HPSE2: variants seen among roughly 807,000 people sequenced by gnomAD.
HPSE2 encodes inactive heparanase-2.
In HPSE2, 38 loss-of-function variants were observed where a neutral mutation model predicts 60.5. That is an observed-to-expected ratio of 0.63 (90% CI 0.48 to 0.82). The LOEUF (loss-of-function observed/expected upper bound fraction) is 0.82. Among genes scored for constraint, HPSE2 ranks in the 40% least tolerant of loss-of-function variants. HPSE2 has a pLI of 0.00. For missense variants in HPSE2, 713 were observed against 740.4 expected (o/e 0.96, Z 0.43); for synonymous variants, 295 against 293.2 (o/e 1.01, Z -0.06).
intron 3 of HPSE2, among the ~76,000 whole-genome samples, chr10:98,929,172 C>T (rs111894338): frequency 0.019 from 2,666 of 143,076 alleles, 601 homozygotes; most frequent in African/African-American, 0.072. Flanking sequence ...CTTGTAAGCA[C>T]AAATAGCAGG....
At chr10:98,678,400 C>T (rs1481893003) in intron 6 of HPSE2, among the ~76,000 whole-genome samples, 1 of 152,170 alleles carries the variant, frequency 6.6e-6, no homozygotes, top group Non-Finnish European at 1.5e-5. Flanking sequence ...ATCAGAATCA[C>T]CTGGAGGGTG....
chr10:98,908,344 T>C (rs1180130031), intron 3 of HPSE2, among the ~76,000 whole-genome samples: 1 of 152,164 alleles, frequency 6.6e-6, no homozygotes, highest in East Asian at 1.9e-4. Flanking sequence ...TATTTACTAA[T>C]ATAAAAATAT....
chr10:99,122,887 C>G (rs1299575012), intron 3 of HPSE2, among the ~76,000 whole-genome samples: 1 of 151,842 alleles, frequency 6.6e-6, no homozygotes, highest in East Asian at 1.9e-4. Context: ...TAAGCCTTAC[C>G]AGAAATCAAA....
intron 3 of HPSE2, among the ~76,000 whole-genome samples, chr10:99,064,385 T>C (rs1842545175): frequency 6.6e-6 from 1 of 152,140 alleles, no homozygotes; most frequent in African/African-American, 2.4e-5. Flanking sequence ...GTAATATTGG[T>C]TAGGATTCTA....
At chr10:99,129,569 T>C (rs1428292091) in intron 3 of HPSE2, among the ~76,000 whole-genome samples, 3 of 152,002 alleles carry the variant, frequency 2.0e-5, no homozygotes, top group African/African-American at 7.2e-5. Flanking sequence ...GGAAATTTTT[T>C]TAATTCTTTG....
intron 3 of HPSE2, among the ~76,000 whole-genome samples, chr10:98,884,958 G>A (rs1264325263): frequency 6.6e-6 from 1 of 152,162 alleles, no homozygotes; most frequent in East Asian, 1.9e-4. Context: ...CATTTTGTAA[G>A]GCCAGAACTG....
intron 3 of HPSE2, among the ~76,000 whole-genome samples, chr10:99,001,573 A>G (rs1214103837): frequency 6.6e-6 from 1 of 152,092 alleles, no homozygotes; most frequent in East Asian, 1.9e-4. Flanking sequence ...AATAGATTTT[A>G]CCTTTAAATT....
At chr10:99,085,007 G>A (rs149001743) in intron 3 of HPSE2, among the ~76,000 whole-genome samples, 25 of 152,148 alleles carry the variant, frequency 1.6e-4, no homozygotes, top group East Asian at 1.2e-3. Flanking sequence ...AGCACTTCTC[G>A]TTCTCTTCAC....
chr10:98,743,058 C>T (rs1589748626), intron 4 of HPSE2, among the ~76,000 whole-genome samples: 3 of 145,844 alleles, frequency 2.1e-5, no homozygotes, highest in Admixed American at 7.1e-5. Context: ...CTGCAACCTT[C>T]GCCTCCTGGG....
At chr10:98,756,111 AAATT>A (rs1310805104) in intron 3 of HPSE2, among the ~76,000 whole-genome samples, 19 of 152,216 alleles carry the variant, frequency 1.2e-4, no homozygotes, top group Non-Finnish European at 1.2e-4. Context: ...AGAAATCAAG[AAATT>A]CTTTAAGACG....
intron 9 of HPSE2, among the ~76,000 whole-genome samples, chr10:98,503,338 G>A (rs1385863715): frequency 6.6e-6 from 1 of 152,098 alleles, no homozygotes; most frequent in East Asian, 1.9e-4. Context: ...CTACAAGAAT[G>A]GCTGTAATCA....
intron 9 of HPSE2, among the ~76,000 whole-genome samples, chr10:98,582,266 A>G (rs1944820967): frequency 6.6e-6 from 1 of 152,236 alleles, no homozygotes; most frequent in African/African-American, 2.4e-5. Context: ...GTTTTGGTTT[A>G]CACTAAAATG....
At chr10:99,103,571 T>G (rs561501554) in intron 3 of HPSE2, among the ~76,000 whole-genome samples, 2 of 152,194 alleles carry the variant, frequency 1.3e-5, no homozygotes, top group East Asian at 3.9e-4. Flanking sequence ...AGGTCATTTA[T>G]AGATTCAATG....
chr10:99,148,913 G>A (rs546864529), intron 2 of HPSE2, among the ~76,000 whole-genome samples: 3 of 152,064 alleles, frequency 2.0e-5, no homozygotes, highest in African/African-American at 7.2e-5. Flanking sequence ...ATACACTGTT[G>A]GAACAGTGTA....
chr10:98,625,547 T>C (rs1946184340), intron 7 of HPSE2, among the ~76,000 whole-genome samples: 1 of 152,202 alleles, frequency 6.6e-6, no homozygotes, highest in African/African-American at 2.4e-5. Context: ...CAATCATGTA[T>C]TTCCACATTT....
chr10:98,637,877 A>T (rs1408318592), intron 7 of HPSE2, among the ~76,000 whole-genome samples: 1 of 152,086 alleles, frequency 6.6e-6, no homozygotes, highest in African/African-American at 2.4e-5. Context: ...GGTGGCTCAC[A>T]CTTATAATCC....
At chr10:98,847,661 T>C (rs1373061246) in intron 3 of HPSE2, among the ~76,000 whole-genome samples, 2 of 152,274 alleles carry the variant, frequency 1.3e-5, no homozygotes, top group Admixed American at 6.5e-5. Context: ...TGGTGATACA[T>C]GCAGCAGTTA....
rs1311335900 is a variant in HPSE2, at chr10:98,745,383, A to G, written c.611-1327T>C. Among the ~76,000 whole-genome samples, 3 of 152,102 alleles carry G rather than the reference A, an allele frequency of 2.0e-5. No homozygotes were observed. The East Asian group carries it at 5.8e-4, about 29-fold the overall frequency. ...CTATAATCTCTGTACTTGCCTGTCT[A>G]CTTCTAGATTCTTCCCATCCGGCCA... is the stretch of plus-strand genomic sequence containing the variant. On this transcript the variant is annotated intron_variant, in intron 3 of 11. Coordinates refer to ENST00000370552, the MANE Select transcript of HPSE2 (RefSeq NM_021828.5).
intron 3 of HPSE2, among the ~76,000 whole-genome samples, chr10:99,115,442 C>T (rs2135693402): frequency 6.6e-6 from 1 of 152,142 alleles, no homozygotes; most frequent in South Asian, 2.1e-4. Flanking sequence ...GTGTGAGCCA[C>T]CACGCTTGGC....
Sources: allele counts gnomAD v4.1 joint callset (sites outside exome capture counted in the v4.1 genomes callset), GRCh38; gene constraint gnomAD v4.1.1; transcripts MANE v1.5; gene names NCBI Gene and HGNC (gene_info 2026-07-23, HGNC 2026-07-21).